Variants in C8orf74 observed in about 807,000 individuals in gnomAD.
C8orf74 encodes uncharacterized protein C8orf74.
Under a neutral mutation model 22.2 loss-of-function variants are expected in C8orf74, and 29 were observed. The ratio of observed to expected loss-of-function variants is 1.31; its 90% CI spans 0.97 to 1.78. The LOEUF (loss-of-function observed/expected upper bound fraction) is 1.78. Among genes scored for constraint, C8orf74 ranks in the 40% most tolerant of loss-of-function variants. The pLI is 0.00. For synonymous variants in C8orf74, 255 were observed against 163.1 expected (o/e 1.56, Z -4.30); for missense variants, 515 against 369.9 (o/e 1.39, Z -3.22).
intron 2 of C8orf74, among the ~76,000 whole-genome samples, chr8:10,681,332 T>TC (rs1287295952): frequency 6.6e-6 from 1 of 151,586 alleles, no homozygotes; most frequent in Non-Finnish European, 1.5e-5. Flanking sequence ...TCCAGCCATC[T>TC]CCCCCGGGTC....
chr8:10,672,860 G>T lies in C8orf74; in HGVS notation c.48+147G>T, dbSNP rs909242510. 5.1e-5 allele frequency: 36 copies of T among 706,710 alleles called. No individual in the cohort carries two copies. The African/African-American group carries it at 6.3e-4, about 12-fold the overall frequency. The allele number at this position is 706,710 out of a possible 1,614,324, so 43.8% of individuals were successfully genotyped here. Reference sequence around the variant, plus strand: ...ACCTCTGAGGCTGTGACGAGATGTGGGGCCCAAACTTCAGGCCAGGGCTTA... The same window carrying T: ...ACCTCTGAGGCTGTGACGAGATGTGTGGCCCAAACTTCAGGCCAGGGCTTA... On this transcript the variant is annotated intron_variant, in intron 1 of 3. Coordinates refer to ENST00000304519, the MANE Select transcript of C8orf74 (RefSeq NM_001040032.2).
At chr8:10,696,070 ATC>A (rs1053750759) in intron 2 of C8orf74, among the ~76,000 whole-genome samples, 3 of 152,034 alleles carry the variant, frequency 2.0e-5, no homozygotes, top group African/African-American at 7.2e-5. Flanking sequence ...TGACTTGCCT[ATC>A]TCTCTGCCTG....
intron 2 of C8orf74, chr8:10,690,918 G>A (rs1799367248): frequency 4.4e-6 from 2 of 456,038 alleles, no homozygotes; most frequent in African/African-American, 4.0e-5. Flanking sequence ...GTTCCCAGCA[G>A]CCAATGCAAA....
At chr8:10,681,623 G>C (rs1221459634) in intron 2 of C8orf74, among the ~76,000 whole-genome samples, 1 of 152,198 alleles carries the variant, frequency 6.6e-6, no homozygotes, top group Non-Finnish European at 1.5e-5. Context: ...GTGGCCACCT[G>C]GCACCTGCAG....
chr8:10,692,467 A>G (rs1429191098), intron 2 of C8orf74: 1 of 152,286 alleles, frequency 6.6e-6, no homozygotes, highest in African/African-American at 2.4e-5. Flanking sequence ...AGCCTTGGCC[A>G]CAGGCAACAT....
chr8:10,678,573 G>A (rs993093573), intron 2 of C8orf74, among the ~76,000 whole-genome samples: 2 of 150,436 alleles, frequency 1.3e-5, no homozygotes, highest in Non-Finnish European at 3.0e-5. Flanking sequence ...AGGACCAGAG[G>A]CAGGACCAGG....
At chr8:10,680,763 G>T (rs1799131780) in intron 2 of C8orf74, among the ~76,000 whole-genome samples, 1 of 152,176 alleles carries the variant, frequency 6.6e-6, no homozygotes, top group Non-Finnish European at 1.5e-5. Context: ...CTGTCCTCAG[G>T]AGGGGGCCCA....
At position 10,697,758 on chromosome 8, in the gene C8orf74, A is replaced by G. The variant is rs1799557011; in HGVS notation, c.401A>G (p.Gln134Arg). The G allele has an allele frequency of 6.2e-7, 1 of 1,613,948 alleles. No individual in the cohort carries two copies. The highest frequency in any genetic ancestry group is 8.5e-7 in the Non-Finnish European group (1 of 1,179,920). ...LYQYVLGQDQ[Q>R]VDLTVAHLEV... ...CAGTATGTCCTGGGCCAGGACCAGCAGGTCGACCTGACCGTTGCCCACCTG... is the reference window on the plus strand; with the variant it reads ...CAGTATGTCCTGGGCCAGGACCAGCGGGTCGACCTGACCGTTGCCCACCTG... The change falls in exon 3 of 4, where the codon CAG (glutamine) becomes CGG (arginine). Residue 134 changes from glutamine to arginine, a missense_variant. By Grantham distance (43) the Gln-to-Arg change is conservative (BLOSUM62 1). Coordinates refer to ENST00000304519, the MANE Select transcript of C8orf74 (RefSeq NM_001040032.2).
intron 2 of C8orf74, among the ~76,000 whole-genome samples, chr8:10,685,881 A>ATCTTTAGTAGAG: frequency 6.6e-6 from 1 of 152,300 alleles, no homozygotes; most frequent in African/African-American, 2.4e-5. Flanking sequence ...CATCCTGGCT[A>ATCTTTAGTAGAG]ACACGGTGAA....
intron 2 of C8orf74, among the ~76,000 whole-genome samples, chr8:10,682,293 G>A (rs539707868): frequency 9.8e-5 from 15 of 152,346 alleles, no homozygotes; most frequent in African/African-American, 2.9e-4. Flanking sequence ...CATTTCTTGG[G>A]ACAAACGAGC....
At chr8:10,692,588 C>G (rs541643149) in intron 2 of C8orf74, 2 of 152,432 alleles carry the variant, frequency 1.3e-5, no homozygotes, top group East Asian at 3.9e-4. Flanking sequence ...CGATCTGTAG[C>G]CTTGACCTCC....
chr8:10,697,883 G>T lies in C8orf74; in HGVS notation c.526G>T (p.Ala176Ser). 1.2e-6 allele frequency: 2 copies of T among 1,611,820 alleles called. No individual in the cohort carries two copies. Among genetic ancestry groups the T allele is most frequent in the Non-Finnish European group, 1.7e-6 (2 of 1,178,804 alleles). The change falls in exon 3 of 4, where the codon GCA (alanine) becomes TCA (serine). Residue 176 changes from alanine to serine, a missense_variant. Transcript: ENST00000304519. Reference sequence around the variant, plus strand: ...GGTGGCCACACTGACGGAGGCCGAGGCACAGAAGCGCGCCGACGTGCTGCT... The same window carrying T: ...GGTGGCCACACTGACGGAGGCCGAGTCACAGAAGCGCGCCGACGTGCTGCT... ...QQVATLTEAEAQKRADVLLLK... is the reference protein window; with the variant it reads ...QQVATLTEAESQKRADVLLLK...
chr8:10,683,925 C>A (rs558720938), intron 2 of C8orf74, among the ~76,000 whole-genome samples: 2 of 152,300 alleles, frequency 1.3e-5, no homozygotes, highest in Admixed American at 1.3e-4. Flanking sequence ...AGCCTTCCAC[C>A]GGCTGGCCCC....
At chr8:10,694,691 A>T (rs772711958) in intron 2 of C8orf74, among the ~76,000 whole-genome samples, 4 of 152,236 alleles carry the variant, frequency 2.6e-5, no homozygotes, top group Non-Finnish European at 5.9e-5. Flanking sequence ...GTGTTACTCA[A>T]CTTTCAGCTT....
At chr8:10,691,990 T>A (rs999603245) in intron 2 of C8orf74, 2 of 152,632 alleles carry the variant, frequency 1.3e-5, no homozygotes, top group Admixed American at 1.3e-4. Context: ...TCCTGGCCCC[T>A]CTGCTTGGGG....
intron 2 of C8orf74, among the ~76,000 whole-genome samples, chr8:10,695,885 G>A (rs1479437276): frequency 6.6e-6 from 1 of 152,162 alleles, no homozygotes; most frequent in Admixed American, 6.5e-5. Flanking sequence ...AGAAGGAACT[G>A]TGGAATTCTC....
chr8:10,697,970 G>T lies in C8orf74; in HGVS notation c.613G>T (p.Ala205Ser). Reference protein sequence around the residue: ...NSLQKAFAAAAPAQPGQVLER... With the variant: ...NSLQKAFAAASPAQPGQVLER... Reference sequence around the variant, plus strand: ...GCTGCAGAAGGCGTTCGCTGCCGCCGCGCCTGCGCAGCCCGGCCAGGTCCT... The same window carrying T: ...GCTGCAGAAGGCGTTCGCTGCCGCCTCGCCTGCGCAGCCCGGCCAGGTCCT... The change falls in exon 3 of 4, where the codon GCG becomes TCG. Residue 205 changes from alanine (A) to serine (S), a missense_variant. Transcript: ENST00000304519. 1 of 1,523,202 alleles carries T rather than the reference G, an allele frequency of 6.6e-7. No individual in the cohort carries two copies. The highest frequency in any genetic ancestry group is 8.8e-7 in the Non-Finnish European group (1 of 1,138,262). The allele number at this position is 1,523,202 out of a possible 1,614,324, so 94.4% of individuals were successfully genotyped here.
chr8:10,679,407 C>T (rs544802758), intron 2 of C8orf74, among the ~76,000 whole-genome samples: 3 of 152,328 alleles, frequency 2.0e-5, no homozygotes, highest in South Asian at 4.1e-4. Context: ...CCTTTCCTCC[C>T]TCGGCTTTGC....
At chr8:10,685,793 G>C (rs1290429937) in intron 2 of C8orf74, among the ~76,000 whole-genome samples, 1 of 152,188 alleles carries the variant, frequency 6.6e-6, no homozygotes, top group Non-Finnish European at 1.5e-5. Flanking sequence ...TAATCGGCCG[G>C]GTAAAGTGGC....
Sources: allele counts gnomAD v4.1 joint callset (sites outside exome capture counted in the v4.1 genomes callset), GRCh38; gene constraint gnomAD v4.1.1; transcripts MANE v1.5; gene names NCBI Gene and HGNC (gene_info 2026-07-23, HGNC 2026-07-21).